The following RRAS2 variants were observed in gnomAD, a reference collection of about 807,000 sequenced individuals.
RRAS2 encodes RAS related 2, also known as ras-related protein R-Ras2.
A neutral mutation model predicts 27.6 loss-of-function variants in RRAS2; 7 were observed. The observed-to-expected ratio is 0.25, with a 90% CI of 0.14 to 0.48. The LOEUF is 0.48. Among genes scored for constraint, RRAS2 ranks in the 20% least tolerant of loss-of-function variants. The pLI, the probability that RRAS2 is intolerant of heterozygous loss-of-function variation, is 0.99. For missense variants in RRAS2, 178 were observed against 256.2 expected (o/e 0.69, Z 2.08); for synonymous variants, 86 against 90.9 (o/e 0.95, Z 0.31).
At chr11:14,362,414 C>A (rs1849202225), upstream of RRAS2, among the ~76,000 whole-genome samples, 1 of 152,036 alleles carries the variant, frequency 6.6e-6, no homozygotes, top group Non-Finnish European at 1.5e-5. Flanking sequence ...CCCGCCCAGA[C>A]TTTCTATGCC....
chr11:14,349,625 T>A (rs1848910156), intron 1 of RRAS2, among the ~76,000 whole-genome samples: 1 of 152,188 alleles, frequency 6.6e-6, no homozygotes, highest in Non-Finnish European at 1.5e-5. Context: ...TATTTGCTTA[T>A]AACAGTATAG....
intron 1 of RRAS2, among the ~76,000 whole-genome samples, chr11:14,305,253 T>A (rs527619991): frequency 6.6e-6 from 1 of 152,352 alleles, no homozygotes; most frequent in Non-Finnish European, 1.5e-5. Context: ...AAAGTCAGCT[T>A]ACAAACTGGT....
upstream of RRAS2, among the ~76,000 whole-genome samples, chr11:14,359,669 T>G (rs1564988008): frequency 6.6e-6 from 1 of 152,184 alleles, no homozygotes; most frequent in South Asian, 2.1e-4. Context: ...AGTCAGTGAT[T>G]GAGCTTGCAT....
At chr11:14,323,408 A>G (rs1440150307) in intron 1 of RRAS2, among the ~76,000 whole-genome samples, 3 of 152,092 alleles carry the variant, frequency 2.0e-5, no homozygotes, top group Non-Finnish European at 2.9e-5. Flanking sequence ...CAGCAAAGTG[A>G]GATCACACCA....
chr11:14,356,250 A>G (rs1015725601), intron 1 of RRAS2, among the ~76,000 whole-genome samples: 1 of 152,138 alleles, frequency 6.6e-6, no homozygotes, highest in Non-Finnish European at 1.5e-5. Flanking sequence ...CAAATCAACT[A>G]TCAATCCCAC....
At chr11:14,310,390 T>C (rs1434192735) in intron 1 of RRAS2, among the ~76,000 whole-genome samples, 1 of 152,130 alleles carries the variant, frequency 6.6e-6, no homozygotes, top group Non-Finnish European at 1.5e-5. Context: ...CAACAGAGAC[T>C]GGGACCTGGG....
At chr11:14,331,459 T>A (rs1848478668) in intron 1 of RRAS2, among the ~76,000 whole-genome samples, 2 of 151,904 alleles carry the variant, frequency 1.3e-5, no homozygotes, top group Admixed American at 1.3e-4. Context: ...ATCCAAAAAA[T>A]TTTAAAACCA....
At chr11:14,325,375 G>A (rs1226265057) in intron 1 of RRAS2, among the ~76,000 whole-genome samples, 6 of 149,156 alleles carry the variant, frequency 4.0e-5, no homozygotes, top group South Asian at 2.1e-4. Context: ...GCAGTGGCGC[G>A]ATCTTGGCTC....
chr11:14,329,710 CAA>C (rs1210655613), intron 1 of RRAS2, among the ~76,000 whole-genome samples: 2 of 152,058 alleles, frequency 1.3e-5, no homozygotes, highest in Non-Finnish European at 2.9e-5. Context: ...CAGAAATCAA[CAA>C]AGACTTAAAT....
intron 1 of RRAS2, among the ~76,000 whole-genome samples, chr11:14,309,092 CCAA>C (rs79620658): frequency 0.052 from 7,917 of 152,238 alleles, 278 homozygotes; most frequent in East Asian, 0.13. Context: ...AGGTAGGTAA[CCAA>C]CTCACTTCTA....
At chr11:14,353,966 A>G (rs1391002213) in intron 1 of RRAS2, among the ~76,000 whole-genome samples, 2 of 152,220 alleles carry the variant, frequency 1.3e-5, no homozygotes, top group African/African-American at 4.8e-5. Flanking sequence ...TAAACACTAA[A>G]AATGTCTAGT....
chr11:14,354,330 A>G (rs1357475595), intron 1 of RRAS2: 1 of 152,042 alleles, frequency 6.6e-6, no homozygotes, highest in East Asian at 1.9e-4. Flanking sequence ...AAATATATAA[A>G]CCTCCCTGTA....
intron 1 of RRAS2, among the ~76,000 whole-genome samples, chr11:14,325,253 G>C (rs560172640): frequency 4.2e-4 from 64 of 151,684 alleles, no homozygotes; most frequent in African/African-American, 1.5e-3. Flanking sequence ...AAATGAGCTT[G>C]CACTAGCACT....
chr11:14,296,251 A>G (rs1554946604), intron 1 of RRAS2, among the ~76,000 whole-genome samples: 1 of 152,178 alleles, frequency 6.6e-6, no homozygotes, highest in Non-Finnish European at 1.5e-5. Flanking sequence ...CTACCAATGT[A>G]CCAATGTAAC....
intron 4 of RRAS2, among the ~76,000 whole-genome samples, chr11:14,284,679 T>C (rs1398472156): frequency 6.6e-6 from 1 of 152,238 alleles, no homozygotes; most frequent in Non-Finnish European, 1.5e-5. Context: ...AGCTATTAGA[T>C]CACGAATGTT....
chr11:14,341,231 G>T (rs1409011879), intron 1 of RRAS2, among the ~76,000 whole-genome samples: 1 of 152,162 alleles, frequency 6.6e-6, no homozygotes, highest in Non-Finnish European at 1.5e-5. Context: ...ATAGCACAGA[G>T]CACAGGTCTA....
At chr11:14,299,385 A>G (rs907540400) in intron 1 of RRAS2, among the ~76,000 whole-genome samples, 1 of 152,212 alleles carries the variant, frequency 6.6e-6, no homozygotes, top group Non-Finnish European at 1.5e-5. Context: ...AATTTACATA[A>G]GTAAAAACCC....
intron 1 of RRAS2, among the ~76,000 whole-genome samples, chr11:14,341,229 G>C (rs572425794): frequency 6.6e-6 from 1 of 152,270 alleles, no homozygotes; most frequent in South Asian, 2.1e-4. Flanking sequence ...GCATAGCACA[G>C]AGCACAGGTC....
At chr11:14,353,865 C>G (rs951179725) in intron 1 of RRAS2, among the ~76,000 whole-genome samples, 5 of 152,162 alleles carry the variant, frequency 3.3e-5, no homozygotes, top group African/African-American at 9.7e-5. Context: ...GTTCCCCAAA[C>G]AAGAAAACCT....
Sources: gnomAD v4.1 joint callset for allele counts (sites outside exome capture counted in the v4.1 genomes callset) on GRCh38, gnomAD v4.1.1 for gene constraint, MANE v1.5 for transcripts, NCBI Gene and HGNC (gene_info 2026-07-23, HGNC 2026-07-21) for gene names.